B4GALNT1: variants seen among roughly 807,000 people sequenced by gnomAD.
The protein encoded by B4GALNT1 is beta-1,4-N-acetyl-galactosaminyltransferase 1, also known as beta-1,4 N-acetylgalactosaminyltransferase 1.
In B4GALNT1, 43 loss-of-function variants were observed where a neutral mutation model predicts 55.2. The observed-to-expected ratio is 0.78, with a 90% CI of 0.61 to 1.00. B4GALNT1 has a LOEUF of 1.00. Ranked by LOEUF, B4GALNT1 falls within the 50% of genes least tolerant of loss-of-function variation. The pLI is 0.00. For missense variants in B4GALNT1, 664 were observed against 729.7 expected (o/e 0.91, Z 1.04); for synonymous variants, 305 against 311.6 (o/e 0.98, Z 0.22).
At position 57,623,446 on chromosome 12, in the gene B4GALNT1, A is replaced by G. The variant is rs1884590601; in HGVS notation, c.*3298T>C. 2.2e-6 allele frequency: 1 copy of G among 462,134 alleles called. No homozygotes were observed. The highest frequency in any genetic ancestry group is 3.8e-6 in the Non-Finnish European group (1 of 261,632). 28.6% of individuals were successfully genotyped at this position (462,134 alleles called of 1,614,324 possible). A position where few individuals can be genotyped will look rare whatever the true frequency, so the allele number is the denominator to read the frequency against. On this transcript the variant is annotated 3_prime_UTR_variant, in exon 11 of 11. Coordinates refer to ENST00000341156, the MANE Select transcript of B4GALNT1 (RefSeq NM_001478.5). The stretch of plus-strand genomic sequence containing the variant: ...ATAAAATTCTTATTTTTTTCACACA[A>G]TGACATTGTCTTTTAAAAGGAATAT...
chr12:57,630,599 A>T, intron 4 of B4GALNT1, 81 bp from the exon 5 acceptor site: 1 of 1,462,498 alleles, frequency 6.8e-7, no homozygotes, highest in Non-Finnish European at 9.3e-7. Context: ...CTGTCACCAC[A>T]CACAATAGAG....
At chr12:57,627,051 AGT>A (rs1343102135) in intron 10 of B4GALNT1, 90 bp from the exon 11 acceptor site, 1 of 1,144,124 alleles carries the variant, frequency 8.7e-7, no homozygotes, top group South Asian at 1.4e-5. Context: ...GGGTGTGGAA[AGT>A]GTGTGTGCAA....
rs770960048 is a variant in B4GALNT1, at chr12:57,627,896, GA to G, written c.1144-39del. The G allele has an allele frequency of 6.5e-6, 10 of 1,533,160 alleles. No individual in the cohort carries two copies. In the African/African-American group the frequency reaches 1.2e-4, roughly 19 times the overall value. The allele number at this position is 1,533,160 out of a possible 1,614,324, so 95.0% of individuals were successfully genotyped here. On this transcript the variant is annotated intron_variant, in intron 9 of 10. Coordinates refer to ENST00000341156, the MANE Select transcript of B4GALNT1 (RefSeq NM_001478.5). ...GGAGGTTGCCTCCAGGCGGGCCTGG[GA>G]TAGGGGACCCGAAGGGGTCAAGGTC...
chr12:57,627,066 G>A (rs897275263), intron 10 of B4GALNT1, 105 bp from the exon 11 acceptor site: 1 of 981,690 alleles, frequency 1.0e-6, no homozygotes, highest in Non-Finnish European at 1.5e-6. Context: ...GTGTGCAAAG[G>A]CTTGTTTCTA....
chr12:57,625,247 G>C lies in B4GALNT1; in HGVS notation c.*1497C>G, dbSNP rs142921915. The C allele has an allele frequency of 6.8e-6, 11 of 1,614,172 alleles. No individual in the cohort carries two copies. The East Asian group carries it at 1.1e-4, about 16-fold the overall frequency. ...TTCTCCCATTCTAGTTGCTGAGCCT[G>C]TCAGGGTGGTGGTCCTAGACTTCAG... On this transcript the variant is annotated 3_prime_UTR_variant, in exon 11 of 11. Coordinates refer to ENST00000341156, the MANE Select transcript of B4GALNT1 (RefSeq NM_001478.5).
In B4GALNT1 at chr12:57,630,934, C is replaced by T. The variant is rs770302829; in HGVS notation, c.490+46G>A. ...TTCCCCACCCAACCTTGGGCTCTGC[C>T]ACCCCCACTGTGGCTGAGGTCATCC... On this transcript the variant is annotated intron_variant, in intron 4 of 10. Coordinates refer to ENST00000341156, the MANE Select transcript of B4GALNT1 (RefSeq NM_001478.5). The T allele has an allele frequency of 6.4e-6, 10 of 1,560,460 alleles. No homozygotes were observed. The South Asian group carries it at 9.0e-5, about 14-fold the overall frequency.
rs747051377 is a variant in B4GALNT1, at chr12:57,624,811, A to G, written c.*1933T>C. The G allele has an allele frequency of 2.6e-6, 4 of 1,559,424 alleles. No individual in the cohort carries two copies. Among genetic ancestry groups the G allele is most frequent in the Non-Finnish European group, 2.7e-6 (3 of 1,130,436 alleles). ...GCCCCAGGGTGGGTGGGCTGCAGCC[A>G]AAGAAGGAAGGGAAGATTAGCCCCA... On this transcript the variant is annotated 3_prime_UTR_variant, in exon 11 of 11. Coordinates refer to ENST00000341156, the MANE Select transcript of B4GALNT1 (RefSeq NM_001478.5).
chr12:57,628,299 A>G lies in B4GALNT1; in HGVS notation c.1003-37T>C, dbSNP rs146196810. On this transcript the variant is annotated intron_variant, in intron 8 of 10. Coordinates refer to ENST00000341156, the MANE Select transcript of B4GALNT1 (RefSeq NM_001478.5). Reference sequence around the variant, plus strand: ...GTGTGTGTGGTTGGGGAGGCTGCAGAAATAGGACATGGCCCTCTGCCACCT... The same window carrying G: ...GTGTGTGTGGTTGGGGAGGCTGCAGGAATAGGACATGGCCCTCTGCCACCT... The G allele has an allele frequency of 5.8e-4, 941 of 1,612,568 alleles. 5 individuals are homozygous for G. In the African/African-American group the frequency reaches 0.011, roughly 19 times the overall value.
At chr12:57,629,715 A>G in intron 6 of B4GALNT1, 1 of 1,363,878 alleles carries the variant, frequency 7.3e-7, no homozygotes, top group Non-Finnish European at 9.6e-7. Flanking sequence ...AGAAAGTGCA[A>G]AGGCCCTAAG....
rs1184328177 is a variant in B4GALNT1 at position 57,630,321 on chromosome 12, A to C, written c.543T>G (p.Thr181=). Residue 181 remains threonine, a synonymous_variant, in exon 6 of 11, where the codon ACT becomes ACG. Coordinates refer to ENST00000341156, the MANE Select transcript of B4GALNT1 (RefSeq NM_001478.5). ...SGQEVYQVNL[T]ASLGTWDVAG... is the part of the protein sequence containing the mutation. ...CCACGTCCCAGGTGCCTAGGGAGGC[A>C]GTCAGGTTCACCTAGGAGGGGATTG... 2 of 1,613,946 alleles carry C rather than the reference A, an allele frequency of 1.2e-6. No individual in the cohort carries two copies. Among genetic ancestry groups the C allele is most frequent in the Non-Finnish European group, 1.7e-6 (2 of 1,179,926 alleles).
Position 57,624,669 on chromosome 12 carries a change from G to A in B4GALNT1, c.*2075C>T. On this transcript the variant is annotated 3_prime_UTR_variant, in exon 11 of 11. Transcript: ENST00000341156. ...GGGAAGAGAATGAGGTGCTTGGGGT[G>A]ACTCTCCAGCCAGGCCAGGCTAAGC... is the stretch of plus-strand genomic sequence containing the variant. 2 of 736,672 alleles carry A rather than the reference G, an allele frequency of 2.7e-6. No homozygotes were observed. The highest frequency in any genetic ancestry group is 2.5e-6 in the Non-Finnish European group (1 of 395,108). 45.6% of individuals were successfully genotyped at this position (736,672 alleles called of 1,614,324 possible).
At position 57,626,099 on chromosome 12, in the gene B4GALNT1, A is replaced by C; in HGVS notation, c.*645T>G. The C allele has an allele frequency of 4.8e-6, 1 of 207,626 alleles. No individual in the cohort carries two copies. The highest frequency in any genetic ancestry group is 1.1e-4 in the East Asian group (1 of 8,942). 12.9% of individuals were successfully genotyped at this position (207,626 alleles called of 1,614,324 possible). ...TGTGTGATGAGGACCATGACCCTTG[A>C]ACCCCCTTACCTAACGTAACTAATA... On this transcript the variant is annotated 3_prime_UTR_variant, in exon 11 of 11. Transcript: ENST00000341156.
At position 57,631,953 on chromosome 12, in the gene B4GALNT1, G is replaced by A. The variant is rs555433417; in HGVS notation, c.180C>T (p.Tyr60=). ...CCTTGATCCTGACCGGGATGTGTGCGTAGCGGGGCTCAGGAGCAAGATCTG... is the reference window on the plus strand; with the variant it reads ...CCTTGATCCTGACCGGGATGTGTGCATAGCGGGGCTCAGGAGCAAGATCTG... ...ELPDLAPEPR[Y]AHIPVRIKEQ... Residue 60 remains tyrosine (Y), a synonymous_variant, in exon 2 of 11, where the codon TAC becomes TAT. Coordinates refer to ENST00000341156, the MANE Select transcript of B4GALNT1 (RefSeq NM_001478.5). The A allele has an allele frequency of 4.8e-6, 7 of 1,452,754 alleles. No individual in the cohort carries two copies. The South Asian group carries it at 9.3e-5, about 19-fold the overall frequency. 90.0% of individuals were successfully genotyped at this position (1,452,754 alleles called of 1,614,324 possible). A position where few individuals can be genotyped will look rare whatever the true frequency, so the allele number is the denominator to read the frequency against.
At chr12:57,631,170 A>G (rs1278519513) in intron 3 of B4GALNT1, 30 bp downstream of exon 3, 3 of 1,613,688 alleles carry the variant, frequency 1.9e-6, no homozygotes, top group Non-Finnish European at 2.5e-6. Flanking sequence ...TCTCCCCCTG[A>G]GGAGTCATGC....
In B4GALNT1 at chr12:57,631,920, T is replaced by C. The variant is rs755821489; in HGVS notation, c.213A>G (p.Val71=). The C allele has an allele frequency of 1.4e-6, 2 of 1,420,994 alleles. No homozygotes were observed. Among genetic ancestry groups the C allele is most frequent in the Non-Finnish European group, 1.8e-6 (2 of 1,087,450 alleles). 88.0% of individuals were successfully genotyped at this position (1,420,994 alleles called of 1,614,324 possible). The change falls in exon 2 of 11, where the codon GTA becomes GTG. Residue 71 remains valine (V), a synonymous_variant. Coordinates refer to ENST00000341156, the MANE Select transcript of B4GALNT1 (RefSeq NM_001478.5). ...AHIPVRIKEQ[V]VGLLAWNNCS... is the part of the protein sequence containing the mutation. ...CCGCCGCGGTCGGCACTCACCCCAC[T>C]ACTTGCTCCTTGATCCTGACCGGGA...
rs549508563 is a variant in B4GALNT1, at chr12:57,625,892, G to T, written c.*852C>A. The T allele has an allele frequency of 2.2e-6, 2 of 912,996 alleles. No homozygotes were observed. The highest frequency in any genetic ancestry group is 3.0e-6 in the Non-Finnish European group (2 of 660,662). The allele number at this position is 912,996 out of a possible 1,614,324, so 56.6% of individuals were successfully genotyped here. A position where few individuals can be genotyped will look rare whatever the true frequency, so the allele number is the denominator to read the frequency against. On this transcript the variant is annotated 3_prime_UTR_variant, in exon 11 of 11. Transcript: ENST00000341156. ...GCTGAGCTATGGGTGAGGAACTGAA[G>T]AACTCAGATCCCTAAGTAGGTGGGG...
chr12:57,624,712 C>T lies in B4GALNT1; in HGVS notation c.*2032G>A, dbSNP rs550905929. 6.2e-6 allele frequency: 5 copies of T among 808,040 alleles called. No homozygotes were observed. In the South Asian group the frequency reaches 6.8e-5, roughly 11 times the overall value. The allele number at this position is 808,040 out of a possible 1,614,324, so 50.1% of individuals were successfully genotyped here. ...GGCTAAGCTGGAAATCTGGCCCCACCTTCTTCCCTAGGGTGTAGTGCCTGG... is the reference window on the plus strand; with the variant it reads ...GGCTAAGCTGGAAATCTGGCCCCACTTTCTTCCCTAGGGTGTAGTGCCTGG... On this transcript the variant is annotated 3_prime_UTR_variant, in exon 11 of 11. Coordinates refer to ENST00000341156, the MANE Select transcript of B4GALNT1 (RefSeq NM_001478.5).
chr12:57,627,262 C>T (rs1471976312), intron 10 of B4GALNT1, among the ~76,000 whole-genome samples: 6 of 151,942 alleles, frequency 3.9e-5, no homozygotes, highest in Non-Finnish European at 1.5e-5. Context: ...GCAGGGGTGG[C>T]GGGAACAGTG....
In B4GALNT1 at chr12:57,633,163, C is replaced by CG. The variant is rs1885334414; in HGVS notation, c.-394dup. ...CCGCAGCGCAGCGCGGCTCAGCTCC[C>CG]GGCTCGTTGCGGCTGCTTCGGCTCC... On this transcript the variant is annotated 5_prime_UTR_variant, in exon 1 of 11. Coordinates refer to ENST00000341156, the MANE Select transcript of B4GALNT1 (RefSeq NM_001478.5). The CG allele has an allele frequency of 6.6e-6, 1 of 152,264 alleles. No individual in the cohort carries two copies. The highest frequency in any genetic ancestry group is 2.1e-4 in the South Asian group (1 of 4,838). The allele number at this position is 152,264 out of a possible 1,614,324, so 9.4% of individuals were successfully genotyped here.
Sources: allele counts gnomAD v4.1 joint callset (sites outside exome capture counted in the v4.1 genomes callset), GRCh38; gene constraint gnomAD v4.1.1; transcripts MANE v1.5; gene names NCBI Gene and HGNC (gene_info 2026-07-23, HGNC 2026-07-21).